The following MGAT5 variants were observed in gnomAD, a reference collection of about 807,000 sequenced individuals.
MGAT5 encodes alpha-1,6-mannosylglycoprotein 6-beta-N-acetylglucosaminyltransferase.
In MGAT5, 30 loss-of-function variants were observed where a neutral mutation model predicts 94.3. The ratio of observed to expected loss-of-function variants is 0.32; its 90% CI spans 0.24 to 0.43. The LOEUF is 0.43. Ranked by LOEUF, MGAT5 falls within the 20% of genes least tolerant of loss-of-function variation. The pLI, the probability that MGAT5 is intolerant of heterozygous loss-of-function variation, is 1.00. For missense variants in MGAT5, 691 were observed against 905.5 expected, an observed-to-expected ratio of 0.76 and a Z score of 3.04; for synonymous variants, 310 against 322.9, an observed-to-expected ratio of 0.96 and a Z score of 0.43.
chr2:134,187,161 T>A (rs1201350125), intron 1 of MGAT5, among the ~76,000 whole-genome samples: 1 of 152,220 alleles, frequency 6.6e-6, no homozygotes, highest in Non-Finnish European at 1.5e-5. Flanking sequence ...AAAGCCTTGC[T>A]GGGCAGGGCT....
chr2:134,418,789 G>T (rs905386813), intron 12 of MGAT5, among the ~76,000 whole-genome samples: 5 of 152,220 alleles, frequency 3.3e-5, no homozygotes, highest in Non-Finnish European at 5.9e-5. Context: ...TGACAAGTCG[G>T]GGATACCCCA....
rs748584511 is a variant in MGAT5, at chr2:134,148,759, G to GTTTTT, written c.-143+28485_-143+28489dup. 2.6e-3 allele frequency among the ~76,000 whole-genome samples: 312 copies of GTTTTT among 118,706 alleles called. 4 individuals carry two copies. The highest frequency in any genetic ancestry group is 5.1e-3 in the Middle Eastern group (1 of 196). 77.9% of individuals were successfully genotyped at this position (118,706 alleles called of 152,430 possible). ...CTTGAAATTAAGTTCTCTTTCTTAG[G>GTTTTT]TTTTTTTTTTTTTTTTTTTTTGAGA... On this transcript the variant is annotated intron_variant, in intron 1 of 16. Transcript: ENST00000409645.
intron 1 of MGAT5, among the ~76,000 whole-genome samples, chr2:134,245,948 G>T (rs1311305825): frequency 6.6e-6 from 1 of 152,146 alleles, no homozygotes; most frequent in Non-Finnish European, 1.5e-5. Context: ...GTAGTGTAAT[G>T]AATTAAAACT....
chr2:134,344,280 A>G (rs552675228), intron 7 of MGAT5, among the ~76,000 whole-genome samples: 2 of 152,326 alleles, frequency 1.3e-5, no homozygotes, highest in South Asian at 2.1e-4. Flanking sequence ...TGATTAAAAA[A>G]AACTGTAAAC....
chr2:134,160,429 C>T (rs1283344165), intron 1 of MGAT5, among the ~76,000 whole-genome samples: 1 of 152,264 alleles, frequency 6.6e-6, no homozygotes, highest in African/African-American at 2.4e-5. Flanking sequence ...GCCTCGGCCT[C>T]CCAAAGTGCT....
At chr2:134,239,844 A>G (rs550970123) in intron 1 of MGAT5, among the ~76,000 whole-genome samples, 2 of 152,260 alleles carry the variant, frequency 1.3e-5, no homozygotes, top group East Asian at 3.9e-4. Flanking sequence ...AGTAAGAAAA[A>G]AGACAAGGAG....
rs568725172 is a variant in MGAT5, at chr2:134,386,213, C to T, written c.1381-16775C>T. On this transcript the variant is annotated intron_variant, in intron 10 of 15. Coordinates refer to ENST00000281923, the MANE Select transcript of MGAT5 (RefSeq NM_002410.5). ...ATGAGAAGCTGTCAGAGGCAAAATA[C>T]GAAATATTTGAACCAACCATTGATA... Among the ~76,000 whole-genome samples the T allele has an allele frequency of 4.6e-5, 7 of 151,992 alleles. No individual in the cohort carries two copies. In the South Asian group the frequency reaches 1.2e-3, roughly 27 times the overall value.
chr2:134,396,909 C>G (rs1330594071), intron 10 of MGAT5, among the ~76,000 whole-genome samples: 1 of 152,170 alleles, frequency 6.6e-6, no homozygotes, highest in African/African-American at 2.4e-5. Context: ...TCCAGGACTG[C>G]CTGCTTGTAA....
intron 10 of MGAT5, among the ~76,000 whole-genome samples, chr2:134,372,201 C>A (rs1333433898): frequency 6.6e-6 from 1 of 152,212 alleles, no homozygotes; most frequent in Non-Finnish European, 1.5e-5. Context: ...ATGTAGCCAG[C>A]AACCACATCA....
chr2:134,444,963 A>G (rs962543157), intron 15 of MGAT5, among the ~76,000 whole-genome samples: 1 of 150,772 alleles, frequency 6.6e-6, no homozygotes, highest in African/African-American at 2.5e-5. Flanking sequence ...AGGCTCCAGG[A>G]AGTGCCAGGG....
intron 9 of MGAT5, among the ~76,000 whole-genome samples, chr2:134,361,742 A>G (rs1680109930): frequency 6.6e-6 from 1 of 152,082 alleles, no homozygotes; most frequent in African/African-American, 2.4e-5. Context: ...TACATCTTTT[A>G]TGAGTGAGTA....
intron 1 of MGAT5, among the ~76,000 whole-genome samples, chr2:134,164,867 C>A (rs1168031886): frequency 2.0e-5 from 3 of 150,162 alleles, no homozygotes; most frequent in Non-Finnish European, 3.0e-5. Context: ...CCAAACAAAG[C>A]AAAACAAAAC....
At chr2:134,281,257 C>T (rs1007353529) in intron 2 of MGAT5, among the ~76,000 whole-genome samples, 6 of 152,272 alleles carry the variant, frequency 3.9e-5, no homozygotes, top group African/African-American at 1.2e-4. Context: ...TGATTAATAC[C>T]GTGTTACAAA....
At chr2:134,214,076 G>T (rs1175712465) in intron 1 of MGAT5, among the ~76,000 whole-genome samples, 1 of 152,112 alleles carries the variant, frequency 6.6e-6, no homozygotes, top group African/African-American at 2.4e-5. Context: ...CATACAAAAA[G>T]ACATTTCTCC....
chr2:134,289,736 A>G (rs1685232240), intron 2 of MGAT5, among the ~76,000 whole-genome samples: 1 of 152,172 alleles, frequency 6.6e-6, no homozygotes, highest in South Asian at 2.1e-4. Context: ...CATGTTAGGT[A>G]CAGTGACCAA....
chr2:134,378,965 C>A (rs1681370171), intron 10 of MGAT5, among the ~76,000 whole-genome samples: 1 of 152,142 alleles, frequency 6.6e-6, no homozygotes, highest in African/African-American at 2.4e-5. Context: ...CAGTTCCTGG[C>A]ACATAGTAAT....
chr2:134,164,997 A>C (rs1687907055), intron 1 of MGAT5, among the ~76,000 whole-genome samples: 1 of 152,202 alleles, frequency 6.6e-6, no homozygotes. Flanking sequence ...TAAGATGAAA[A>C]GATGCTGCCC....
At chr2:134,199,195 T>A (rs1446154517) in intron 1 of MGAT5, among the ~76,000 whole-genome samples, 1 of 152,256 alleles carries the variant, frequency 6.6e-6, no homozygotes. Flanking sequence ...ACTAAATTCT[T>A]GGAGTAACTG....
chr2:134,328,605 A>G (rs1200356677), intron 4 of MGAT5, among the ~76,000 whole-genome samples: 2 of 152,090 alleles, frequency 1.3e-5, no homozygotes, highest in South Asian at 2.1e-4. Flanking sequence ...TTTTTGATTT[A>G]TTCATTCACT....
Sources: gnomAD v4.1 joint callset for allele counts (sites outside exome capture counted in the v4.1 genomes callset) on GRCh38, gnomAD v4.1.1 for gene constraint, MANE v1.5 for transcripts, NCBI Gene and HGNC (gene_info 2026-07-23, HGNC 2026-07-21) for gene names.